Variants in IL1RAPL1 observed in about 807,000 individuals in gnomAD.
The protein encoded by IL1RAPL1 is interleukin-1 receptor accessory protein-like 1.
In IL1RAPL1, 3 loss-of-function variants were observed where a neutral mutation model predicts 48.4. The observed-to-expected ratio is 0.06, with a 90% CI of 0.03 to 0.16. The LOEUF is 0.16. IL1RAPL1 is among the 10% of genes least tolerant of loss of function. The pLI is 1.00. For synonymous variants in IL1RAPL1, 185 were observed against 187.7 expected (o/e 0.99, Z 0.12); for missense variants, 349 against 530.6 (o/e 0.66, Z 3.36).
At chrX:29,478,816 A>G (rs1025054743) in intron 5 of IL1RAPL1, among the ~76,000 whole-genome samples, 1 of 109,540 alleles carries the variant, frequency 9.1e-6, no homozygotes, top group Non-Finnish European at 1.9e-5. Context: ...AGTTCACATC[A>G]CTGCCTCCCC....
At chrX:28,645,635 A>G (rs1463478126) in intron 1 of IL1RAPL1, among the ~76,000 whole-genome samples, 2 of 111,349 alleles carry the variant, frequency 1.8e-5, no homozygotes, top group Non-Finnish European at 3.8e-5. Context: ...TGTATATGAA[A>G]GATTAATGTA....
chrX:28,848,422 T>C (rs1921568061), intron 2 of IL1RAPL1, among the ~76,000 whole-genome samples: 1 of 106,848 alleles, frequency 9.4e-6, no homozygotes, highest in African/African-American at 3.7e-5. Flanking sequence ...TTCTAAATAT[T>C]AGGGAATTCT....
At chrX:29,945,969 AT>A (rs1489420989) in intron 9 of IL1RAPL1, among the ~76,000 whole-genome samples, 1 of 110,690 alleles carries the variant, frequency 9.0e-6, no homozygotes, top group Non-Finnish European at 1.9e-5. Flanking sequence ...CTCCCCGCCC[AT>A]ACTCATTCTT....
At chrX:28,853,491 G>GCA (rs1569186229) in intron 2 of IL1RAPL1, among the ~76,000 whole-genome samples, 4 of 104,196 alleles carry the variant, frequency 3.8e-5, no homozygotes, top group African/African-American at 1.4e-4. Flanking sequence ...GTGTGTGCGC[G>GCA]CGCACACACA....
chrX:28,957,713 G>A (rs1203843025), intron 2 of IL1RAPL1, among the ~76,000 whole-genome samples: 1 of 109,652 alleles, frequency 9.1e-6, no homozygotes, highest in Non-Finnish European at 1.9e-5. Context: ...TGTAATCCCA[G>A]CACTTTGGGA....
At chrX:29,407,171 G>A (rs917616195) in intron 5 of IL1RAPL1, among the ~76,000 whole-genome samples, 2 of 111,159 alleles carry the variant, frequency 1.8e-5, no homozygotes, top group African/African-American at 6.5e-5. Context: ...ACTCAACTAG[G>A]CAAAGAAATA....
intron 9 of IL1RAPL1, among the ~76,000 whole-genome samples, chrX:29,950,803 A>G (rs1227042872): frequency 9.2e-6 from 1 of 108,753 alleles, no homozygotes; most frequent in Non-Finnish European, 1.9e-5. Context: ...CAGCCTCCCG[A>G]GTAGCTGGGA....
At chrX:29,129,396 A>G (rs1928969314) in intron 2 of IL1RAPL1, among the ~76,000 whole-genome samples, 1 of 110,823 alleles carries the variant, frequency 9.0e-6, no homozygotes, top group Admixed American at 9.7e-5. Flanking sequence ...CTAATCTATT[A>G]TATTTGATAG....
intron 2 of IL1RAPL1, among the ~76,000 whole-genome samples, chrX:28,865,787 A>G (rs1388521660): frequency 8.9e-6 from 1 of 112,213 alleles, no homozygotes; most frequent in Non-Finnish European, 1.9e-5. Flanking sequence ...CACAGCCCTC[A>G]AGCCAAGTGA....
chrX:29,666,794 A>G (rs1234358463), intron 5 of IL1RAPL1, among the ~76,000 whole-genome samples: 6 of 111,111 alleles, frequency 5.4e-5, no homozygotes, highest in Non-Finnish European at 9.4e-5. Flanking sequence ...CAAGTCGTCT[A>G]CTTGTAACTA....
chrX:29,062,560 A>G (rs975423268), intron 2 of IL1RAPL1, among the ~76,000 whole-genome samples: 1 of 112,250 alleles, frequency 8.9e-6, no homozygotes, highest in Admixed American at 9.4e-5. Context: ...GTAGTAATTA[A>G]TGGTACATGG....
At chrX:29,347,528 A>G (rs754343422) in intron 3 of IL1RAPL1, among the ~76,000 whole-genome samples, 1 of 107,388 alleles carries the variant, frequency 9.3e-6, no homozygotes, top group South Asian at 4.2e-4. Flanking sequence ...AGCTGGGACC[A>G]CAGGCACATG....
intron 2 of IL1RAPL1, among the ~76,000 whole-genome samples, chrX:29,266,943 C>T (rs1382235590): frequency 8.9e-6 from 1 of 111,745 alleles, no homozygotes; most frequent in African/African-American, 3.3e-5. Context: ...GGTTACTTGC[C>T]TGCATAGGAC....
intron 5 of IL1RAPL1, among the ~76,000 whole-genome samples, chrX:29,466,272 ATTC>A (rs767552832): frequency 3.6e-5 from 4 of 111,860 alleles, no homozygotes; most frequent in Admixed American, 9.5e-5. Context: ...GAACTAAGAT[ATTC>A]TTATTGTCCC....
At chrX:29,865,907 CCCAAAGTGCTGGG>C in intron 6 of IL1RAPL1, among the ~76,000 whole-genome samples, 1 of 108,756 alleles carries the variant, frequency 9.2e-6, no homozygotes, top group Admixed American at 9.9e-5. Context: ...GCCTCGGCCT[CCCAAAGTGCTGGG>C]ATTACAGGCG....
chrX:29,081,762 TCA>T (rs1927849157), intron 2 of IL1RAPL1, among the ~76,000 whole-genome samples: 1 of 110,693 alleles, frequency 9.0e-6, no homozygotes, highest in South Asian at 3.9e-4. Context: ...GCTCTGGTTT[TCA>T]GTTATTTAGC....
chrX:29,484,215 G>A (rs1416084720), intron 5 of IL1RAPL1, among the ~76,000 whole-genome samples: 1 of 111,525 alleles, frequency 9.0e-6, no homozygotes, highest in Non-Finnish European at 1.9e-5. Flanking sequence ...TCAGCTCATA[G>A]TCTGGAGGAT....
rs1267480609 is a variant in IL1RAPL1 at position 29,651,905 on chromosome X, A to T, written c.704-16525A>T. The stretch of plus-strand genomic sequence containing the variant: ...ATAGATACATACAATGTTATCTGTC[A>T]ATTTAATTTGAAAAAGAAAGAATGA... On this transcript the variant is annotated intron_variant, in intron 5 of 10. Transcript: ENST00000378993. Among the ~76,000 whole-genome samples the T allele has an allele frequency of 1.1e-4, 12 of 111,878 alleles. 1 individual carries two copies.
At chrX:29,063,905 A>T (rs1466241043) in intron 2 of IL1RAPL1, among the ~76,000 whole-genome samples, 1 of 111,874 alleles carries the variant, frequency 8.9e-6, no homozygotes, top group African/African-American at 3.3e-5. Context: ...CTATGTAAAT[A>T]TGAAAGTTAC....
Sources: allele counts gnomAD v4.1 joint callset (sites outside exome capture counted in the v4.1 genomes callset), GRCh38; gene constraint gnomAD v4.1.1; transcripts MANE v1.5; gene names NCBI Gene and HGNC (gene_info 2026-07-23, HGNC 2026-07-21).